CDH13: variants seen among roughly 807,000 people sequenced by gnomAD.
CDH13 encodes cadherin-13.
In CDH13, 24 loss-of-function variants were observed where a neutral mutation model predicts 63.8. The ratio of observed to expected loss-of-function variants is 0.38; its 90% confidence interval spans 0.27 to 0.53. CDH13 has a LOEUF of 0.53. Among genes scored for constraint, CDH13 ranks in the 20% least tolerant of loss-of-function variants. The pLI, the probability that CDH13 is intolerant of heterozygous loss-of-function variation, is 0.85. For synonymous variants in CDH13, 503 were observed against 355.3 expected, an observed-to-expected ratio of 1.42 and a Z score of -4.67; for missense variants, 1,049 against 903.1, an observed-to-expected ratio of 1.16 and a Z score of -2.07.
At chr16:83,169,467 C>T (rs557783210) in intron 4 of CDH13, among the ~76,000 whole-genome samples, 1 of 152,166 alleles carries the variant, frequency 6.6e-6, no homozygotes, top group East Asian at 1.9e-4. Flanking sequence ...AGCCACCACA[C>T]CCGGCCAAGC....
intron 8 of CDH13, among the ~76,000 whole-genome samples, chr16:83,617,955 A>T (rs1001906491): frequency 5.3e-5 from 8 of 152,260 alleles, no homozygotes; most frequent in Admixed American, 2.6e-4. Context: ...GCTTATTGCC[A>T]CTCTCACTAA....
chr16:82,717,126 G>C (rs2032427070), intron 1 of CDH13, among the ~76,000 whole-genome samples: 1 of 152,040 alleles, frequency 6.6e-6, no homozygotes, highest in African/African-American at 2.4e-5. Flanking sequence ...GCCATCTTCT[G>C]CCTTTCATTC....
In CDH13 at chr16:83,024,157, C is replaced by G. The variant is rs143111048; in HGVS notation, c.158-7853C>G. 9.7e-4 allele frequency among the ~76,000 whole-genome samples: 148 copies of G among 152,192 alleles called. 1 individual carries two copies. Among genetic ancestry groups the G allele is most frequent in the Non-Finnish European group, 1.7e-3 (118 of 68,030 alleles). On this transcript the variant is annotated intron_variant, in intron 2 of 13. Transcript: ENST00000567109. ...TGGATGGCAAGGAATGTAGTACCAG[C>G]CAGCATTTCCAGAGGGTACAACAAA... is the stretch of plus-strand genomic sequence containing the variant.
chr16:83,160,507 A>G, intron 4 of CDH13, among the ~76,000 whole-genome samples: 1 of 152,156 alleles, frequency 6.6e-6, no homozygotes, highest in East Asian at 1.9e-4. Context: ...AATGTCAGCA[A>G]ATGAATTTGA....
At chr16:83,030,170 C>T (rs1431878594) in intron 2 of CDH13, among the ~76,000 whole-genome samples, 1 of 152,136 alleles carries the variant, frequency 6.6e-6, no homozygotes, top group African/African-American at 2.4e-5. Context: ...TATTCCATGG[C>T]AGGAACTTTG....
intron 7 of CDH13, among the ~76,000 whole-genome samples, chr16:83,494,463 GA>G (rs1427482711): frequency 6.6e-6 from 1 of 152,120 alleles, no homozygotes; most frequent in Non-Finnish European, 1.5e-5. Context: ...TTCTAATTTG[GA>G]AAGAATATCT....
At chr16:83,781,702 A>G (rs150338870) in intron 12 of CDH13, among the ~76,000 whole-genome samples, 3 of 152,120 alleles carry the variant, frequency 2.0e-5, no homozygotes, top group East Asian at 1.9e-4. Flanking sequence ...TTTTATGGCT[A>G]TAGCCTATTT....
At chr16:82,636,156 G>C (rs1908628135) in intron 1 of CDH13, among the ~76,000 whole-genome samples, 1 of 152,166 alleles carries the variant, frequency 6.6e-6, no homozygotes, top group South Asian at 2.1e-4. Context: ...TGGTGGCTGG[G>C]TATGGAGATG....
chr16:83,541,216 C>T (rs368072915), intron 7 of CDH13, among the ~76,000 whole-genome samples: 1 of 152,152 alleles, frequency 6.6e-6, no homozygotes, highest in African/African-American at 2.4e-5. Context: ...TGTTGAGTAT[C>T]AGGAAGCTGC....
intron 1 of CDH13, among the ~76,000 whole-genome samples, chr16:82,713,217 A>G (rs537704726): frequency 2.4e-4 from 36 of 152,262 alleles, no homozygotes; most frequent in African/African-American, 8.2e-4. Context: ...CAGTTTCTCC[A>G]GCCTGGCCAA....
intron 3 of CDH13, among the ~76,000 whole-genome samples, chr16:83,116,618 G>T (rs1321614742): frequency 1.3e-5 from 2 of 152,238 alleles, no homozygotes; most frequent in Non-Finnish European, 2.9e-5. Flanking sequence ...GCCAGTGGCT[G>T]TGGTAAAGTG....
intron 1 of CDH13, among the ~76,000 whole-genome samples, chr16:82,670,863 T>G (rs537632806): frequency 6.6e-6 from 1 of 152,200 alleles, no homozygotes; most frequent in Non-Finnish European, 1.5e-5. Context: ...ACCTGAGATA[T>G]AAACAAAACA....
intron 2 of CDH13, among the ~76,000 whole-genome samples, chr16:83,008,929 G>A (rs9939938): frequency 0.88 from 133,261 of 152,180 alleles, 58,662 homozygotes; most frequent in Non-Finnish European, 0.92. Flanking sequence ...AAGCAAACAC[G>A]TCCATCTTCA....
intron 3 of CDH13, among the ~76,000 whole-genome samples, chr16:83,119,743 T>G (rs1453052744): frequency 5.9e-5 from 9 of 152,174 alleles, no homozygotes; most frequent in African/African-American, 1.7e-4. Context: ...GCAGGGTATA[T>G]GGATGTCAGT....
chr16:83,464,583 C>G (rs1052706768), intron 6 of CDH13, among the ~76,000 whole-genome samples: 7 of 152,106 alleles, frequency 4.6e-5, no homozygotes, highest in African/African-American at 1.7e-4. Context: ...TGGTCTTGAA[C>G]TCCTGACCTC....
intron 1 of CDH13, among the ~76,000 whole-genome samples, chr16:82,856,190 C>T (rs932114710): frequency 6.6e-6 from 1 of 151,514 alleles, no homozygotes; most frequent in East Asian, 2.0e-4. Flanking sequence ...TCCTGGCGAA[C>T]ACTGTGAAAC....
chr16:83,117,379 C>G (rs1232719455), intron 3 of CDH13, among the ~76,000 whole-genome samples: 2 of 148,366 alleles, frequency 1.3e-5, no homozygotes, highest in African/African-American at 4.9e-5. Flanking sequence ...CCCCCTTGGC[C>G]CATTCTTCCT....
chr16:83,141,419 C>G (rs73604236), intron 4 of CDH13, among the ~76,000 whole-genome samples: 6 of 152,186 alleles, frequency 3.9e-5, no homozygotes, highest in African/African-American at 1.2e-4. Context: ...TTCACAATCT[C>G]TATAGGATCA....
chr16:82,973,963 T>A (rs1236490541), intron 2 of CDH13, among the ~76,000 whole-genome samples: 1 of 152,144 alleles, frequency 6.6e-6, no homozygotes, highest in Non-Finnish European at 1.5e-5. Flanking sequence ...CCCACTGTTG[T>A]CCAGGCTGGA....
Sources: allele counts gnomAD v4.1 joint callset (sites outside exome capture counted in the v4.1 genomes callset), GRCh38; gene constraint gnomAD v4.1.1; transcripts MANE v1.5; gene names NCBI Gene and HGNC (gene_info 2026-07-23, HGNC 2026-07-21).